The following NRXN3 variants were observed in gnomAD, a reference collection of about 807,000 sequenced individuals.
NRXN3 encodes the protein neurexin III.
In NRXN3, 32 loss-of-function variants were observed where a neutral mutation model predicts 137.6. The observed-to-expected ratio is 0.23, with a 90% CI of 0.18 to 0.31. The LOEUF (loss-of-function observed/expected upper bound fraction) is 0.31, where lower values mean the gene tolerates loss of function less well. Ranked by LOEUF, NRXN3 falls within the 10% of genes least tolerant of loss-of-function variation. The pLI is 1.00. For synonymous variants in NRXN3, 798 were observed against 784.5 expected (o/e 1.02, Z -0.29); for missense variants, 1,574 against 2,062.5 (o/e 0.76, Z 4.59).
At chr14:79,529,415 G>A (rs1438692195) in intron 16 of NRXN3, among the ~76,000 whole-genome samples, 1 of 152,178 alleles carries the variant, frequency 6.6e-6, no homozygotes, top group East Asian at 1.9e-4. Flanking sequence ...GCCTGGCGCC[G>A]GGCTGCCTGT....
chr14:79,818,063 T>G (rs1211966873), intron 20 of NRXN3, among the ~76,000 whole-genome samples: 3 of 143,480 alleles, frequency 2.1e-5, no homozygotes, highest in Admixed American at 7.0e-5. Context: ...TTTTTTTTTT[T>G]TTTTTTTTTT....
chr14:78,701,111 G>C (rs1280519265), intron 6 of NRXN3, among the ~76,000 whole-genome samples: 1 of 152,140 alleles, frequency 6.6e-6, no homozygotes, highest in Non-Finnish European at 1.5e-5. Context: ...ATTGCAGCCT[G>C]TTCCTGATCA....
rs961393665 is a variant in NRXN3, at chr14:79,245,823, A to T, written c.3263-221398A>T. ...AGGCCAGAGTCCTTTTTAAAAAATA[A>T]TCACTGCGATACTGTTCATCACACA... On this transcript the variant is annotated intron_variant, in intron 15 of 20. Coordinates refer to ENST00000335750, the MANE Select transcript of NRXN3 (RefSeq NM_001330195.2). 7.2e-5 allele frequency among the ~76,000 whole-genome samples: 11 copies of T among 152,314 alleles called. No individual in the cohort carries two copies. In the East Asian group the frequency reaches 2.1e-3, roughly 29 times the overall value.
chr14:78,619,782 T>G (rs2097381598), intron 4 of NRXN3, among the ~76,000 whole-genome samples: 1 of 152,138 alleles, frequency 6.6e-6, no homozygotes, highest in African/African-American at 2.4e-5. Flanking sequence ...CAATTAAACC[T>G]CTTTCCTTTA....
At chr14:79,260,178 T>C (rs1318242722) in intron 15 of NRXN3, among the ~76,000 whole-genome samples, 2 of 152,134 alleles carry the variant, frequency 1.3e-5, no homozygotes, top group Non-Finnish European at 2.9e-5. Flanking sequence ...ACTCATGTTC[T>C]CTCATACACA....
intron 8 of NRXN3, among the ~76,000 whole-genome samples, chr14:78,802,166 C>A (rs2098841120): frequency 1.3e-5 from 2 of 152,180 alleles, no homozygotes; most frequent in Non-Finnish European, 2.9e-5. Context: ...TAAACAAATT[C>A]ACATGTTGAA....
intron 1 of NRXN3, among the ~76,000 whole-genome samples, chr14:78,214,627 C>T (rs1261759546): frequency 6.6e-6 from 1 of 152,158 alleles, no homozygotes; most frequent in African/African-American, 2.4e-5. Context: ...GATATTCGAT[C>T]AGTAAAAAGA....
chr14:79,187,346 T>G (rs1380453512), intron 15 of NRXN3, among the ~76,000 whole-genome samples: 1 of 152,190 alleles, frequency 6.6e-6, no homozygotes, highest in Non-Finnish European at 1.5e-5. Flanking sequence ...GCTAAATGGT[T>G]CAAATTCATT....
intron 16 of NRXN3, among the ~76,000 whole-genome samples, chr14:79,632,978 T>G (rs945452687): frequency 6.6e-6 from 1 of 152,188 alleles, no homozygotes; most frequent in Non-Finnish European, 1.5e-5. Context: ...AACAATTATA[T>G]GCAGCAGATG....
intron 16 of NRXN3, among the ~76,000 whole-genome samples, chr14:79,541,220 TG>T (rs1271824726): frequency 6.6e-6 from 1 of 152,164 alleles, no homozygotes. Flanking sequence ...CTGGCCACTG[TG>T]GTGAAACCCT....
At chr14:79,674,730 C>A (rs2098631388) in intron 17 of NRXN3, among the ~76,000 whole-genome samples, 1 of 152,058 alleles carries the variant, frequency 6.6e-6, no homozygotes, top group African/African-American at 2.4e-5. Flanking sequence ...CACTGTAATC[C>A]CATTATTAAA....
intron 6 of NRXN3, among the ~76,000 whole-genome samples, chr14:78,679,214 C>T (rs554527790): frequency 3.3e-4 from 50 of 152,174 alleles, no homozygotes; most frequent in African/African-American, 1.0e-3. Context: ...TTAGTAGATA[C>T]GAAATCCTTA....
chr14:78,888,850 C>CACACAT, intron 10 of NRXN3, among the ~76,000 whole-genome samples: 1 of 83,498 alleles, frequency 1.2e-5, no homozygotes, highest in Middle Eastern at 5.8e-3. Flanking sequence ...CACACACATA[C>CACACAT]ACACACACAC....
chr14:79,765,249 T>C (rs997637078), intron 19 of NRXN3, among the ~76,000 whole-genome samples: 10 of 152,198 alleles, frequency 6.6e-5, no homozygotes, highest in Admixed American at 6.5e-5. Flanking sequence ...TGCTGATTTA[T>C]ACAGTAGGAG....
intron 2 of NRXN3, among the ~76,000 whole-genome samples, chr14:78,252,214 C>T (rs970183245): frequency 1.3e-5 from 2 of 151,064 alleles, no homozygotes; most frequent in African/African-American, 2.4e-5. Context: ...AGCAAGCTGA[C>T]CTCATAGTCA....
At chr14:78,880,366 G>A (rs928642214) in intron 10 of NRXN3, among the ~76,000 whole-genome samples, 4 of 152,042 alleles carry the variant, frequency 2.6e-5, no homozygotes, top group Non-Finnish European at 4.4e-5. Context: ...TCTTAGGCTT[G>A]AAGGGGGAAA....
chr14:79,731,573 C>A (rs2098922713), intron 19 of NRXN3, among the ~76,000 whole-genome samples: 1 of 151,894 alleles, frequency 6.6e-6, no homozygotes. Flanking sequence ...CTAAGAAAAT[C>A]TGAACTCATT....
intron 8 of NRXN3, among the ~76,000 whole-genome samples, chr14:78,737,136 T>C (rs913135205): frequency 6.6e-6 from 1 of 152,210 alleles, no homozygotes; most frequent in Non-Finnish European, 1.5e-5. Flanking sequence ...GTTTCTTTTA[T>C]CTGCTTGTCT....
intron 15 of NRXN3, among the ~76,000 whole-genome samples, chr14:79,038,398 C>T (rs1220311639): frequency 6.6e-6 from 1 of 151,944 alleles, no homozygotes; most frequent in East Asian, 1.9e-4. Context: ...GCCACTAACC[C>T]AAAGATCAAA....
Sources: gnomAD v4.1 joint callset for allele counts (sites outside exome capture counted in the v4.1 genomes callset) on GRCh38, gnomAD v4.1.1 for gene constraint, MANE v1.5 for transcripts, NCBI Gene and HGNC (gene_info 2026-07-23, HGNC 2026-07-21) for gene names.